AUH: variants seen among roughly 807,000 people sequenced by gnomAD.
The protein encoded by AUH is methylglutaconyl-CoA hydratase, mitochondrial.
A neutral mutation model predicts 42.3 loss-of-function variants in AUH; 29 were observed. That is an observed-to-expected ratio of 0.69 (90% CI 0.51 to 0.93). AUH has a LOEUF of 0.93. Ranked by LOEUF, AUH falls within the 40% of genes least tolerant of loss-of-function variation. The probability of loss-of-function intolerance (pLI) is 0.00; values close to 1 mark genes in which losing one functional copy is unlikely to be tolerated. For synonymous variants in AUH, 174 were observed against 166.4 expected (o/e 1.05, Z -0.35); for missense variants, 452 against 438.1 (o/e 1.03, Z -0.28).
chr9:91,326,861 G>A (rs1564104343), intron 3 of AUH, among the ~76,000 whole-genome samples: 1 of 152,090 alleles, frequency 6.6e-6, no homozygotes, highest in Non-Finnish European at 1.5e-5. Context: ...GAAAAATGTT[G>A]GCAGAACCAA....
At chr9:91,350,318 GAGAAA>G (rs1831865705) in intron 3 of AUH, among the ~76,000 whole-genome samples, 1 of 152,200 alleles carries the variant, frequency 6.6e-6, no homozygotes. Flanking sequence ...CACAGTCTAA[GAGAAA>G]ACTCTGTCCT....
At chr9:91,307,616 A>G (rs1828329643) in intron 4 of AUH, among the ~76,000 whole-genome samples, 1 of 152,354 alleles carries the variant, frequency 6.6e-6, no homozygotes, top group South Asian at 2.1e-4. Flanking sequence ...ATAATGCAGT[A>G]AAATATTTTG....
At chr9:91,356,276 G>C in intron 1 of AUH, 121 bp from the exon 2 acceptor site, 3 of 815,646 alleles carry the variant, frequency 3.7e-6, no homozygotes, top group Non-Finnish European at 6.2e-6. Context: ...ATGACATCAC[G>C]TTCCCTTCAA....
intron 3 of AUH, among the ~76,000 whole-genome samples, chr9:91,342,428 T>A (rs1831178994): frequency 6.6e-6 from 1 of 152,158 alleles, no homozygotes; most frequent in Non-Finnish European, 1.5e-5. Context: ...GGTTCCAGCA[T>A]TAGGACGTGG....
chr9:91,326,678 G>A (rs975799375), intron 3 of AUH, among the ~76,000 whole-genome samples: 1 of 152,162 alleles, frequency 6.6e-6, no homozygotes, highest in African/African-American at 2.4e-5. Context: ...TGGTGGTTAT[G>A]GGGGCTGGAG....
chr9:91,350,829 C>G (rs996550640), intron 3 of AUH, among the ~76,000 whole-genome samples: 1 of 150,830 alleles, frequency 6.6e-6, no homozygotes, highest in Admixed American at 6.6e-5. Flanking sequence ...TTTTAGTTTC[C>G]AAAAAAAGAA....
intron 6 of AUH, among the ~76,000 whole-genome samples, chr9:91,288,600 C>CAT (rs1056971934): frequency 6.6e-6 from 1 of 152,084 alleles, no homozygotes; most frequent in African/African-American, 2.4e-5. Context: ...CATATATACA[C>CAT]ATATATATAT....
chr9:91,255,896 T>C (rs940496562), intron 6 of AUH, among the ~76,000 whole-genome samples: 4 of 152,180 alleles, frequency 2.6e-5, no homozygotes, highest in African/African-American at 9.7e-5. Flanking sequence ...AAAAGCAAGC[T>C]AGTTGCTCAT....
chr9:91,336,600 A>C (rs1188208698), intron 3 of AUH, among the ~76,000 whole-genome samples: 6 of 150,370 alleles, frequency 4.0e-5, no homozygotes, highest in African/African-American at 1.2e-4. Context: ...ACTGTACTGC[A>C]CTCCAGCCTG....
chr9:91,360,805 T>C (rs918957650), intron 1 of AUH, among the ~76,000 whole-genome samples: 1 of 152,310 alleles, frequency 6.6e-6, no homozygotes, highest in East Asian at 1.9e-4. Flanking sequence ...AGATTATAGG[T>C]GCTCAACAAA....
intron 1 of AUH, 59 bp from the exon 2 acceptor site, chr9:91,356,214 A>C: frequency 7.5e-7 from 1 of 1,327,446 alleles, no homozygotes. Context: ...CAGAGAACAG[A>C]CTCTACATCA....
intron 4 of AUH, among the ~76,000 whole-genome samples, chr9:91,323,603 T>C (rs890741847): frequency 7.4e-5 from 11 of 147,972 alleles, no homozygotes; most frequent in Non-Finnish European, 8.9e-5. Flanking sequence ...AGCCTGGTGA[T>C]AGAGCGAGAC....
intron 6 of AUH, among the ~76,000 whole-genome samples, chr9:91,271,303 T>C (rs772956586): frequency 6.6e-6 from 1 of 152,246 alleles, no homozygotes; most frequent in Non-Finnish European, 1.5e-5. Flanking sequence ...GGTATGTGCA[T>C]TTGCTTGCAG....
At chr9:91,305,475 G>C (rs1352516623) in intron 4 of AUH, among the ~76,000 whole-genome samples, 9 of 152,132 alleles carry the variant, frequency 5.9e-5, no homozygotes, top group African/African-American at 2.2e-4. Context: ...ATACCATGTT[G>C]AATGATTTAA....
intron 6 of AUH, among the ~76,000 whole-genome samples, chr9:91,230,528 T>A (rs1827806522): frequency 6.6e-6 from 1 of 152,228 alleles, no homozygotes; most frequent in East Asian, 1.9e-4. Context: ...AGTAATCTGA[T>A]CGTCTGAAGC....
chr9:91,220,457 T>C (rs2131212429), intron 7 of AUH, among the ~76,000 whole-genome samples: 1 of 152,352 alleles, frequency 6.6e-6, no homozygotes, highest in South Asian at 2.1e-4. Context: ...CAGCCAGCCC[T>C]ATCACTCTTT....
At chr9:91,344,535 A>T (rs904244278) in intron 3 of AUH, among the ~76,000 whole-genome samples, 4 of 152,238 alleles carry the variant, frequency 2.6e-5, no homozygotes, top group African/African-American at 9.6e-5. Flanking sequence ...TTGACTTTTC[A>T]AACAGAAGAA....
intron 6 of AUH, among the ~76,000 whole-genome samples, chr9:91,260,187 C>G (rs1829634975): frequency 6.6e-6 from 1 of 152,050 alleles, no homozygotes; most frequent in Non-Finnish European, 1.5e-5. Flanking sequence ...TGGCATATCT[C>G]CTTCTATCCT....
chr9:91,220,193 T>C (rs941705596), intron 7 of AUH, among the ~76,000 whole-genome samples: 1 of 152,220 alleles, frequency 6.6e-6, no homozygotes, highest in Non-Finnish European at 1.5e-5. Flanking sequence ...CTGATATCAC[T>C]CCTGAGTCAG....
Sources: allele counts gnomAD v4.1 joint callset (sites outside exome capture counted in the v4.1 genomes callset), GRCh38; gene constraint gnomAD v4.1.1; transcripts MANE v1.5; gene names NCBI Gene and HGNC (gene_info 2026-07-23, HGNC 2026-07-21).